Variants in RAVER2 observed in about 807,000 individuals in gnomAD.
RAVER2 encodes the protein ribonucleoprotein PTB-binding 2.
Under a neutral mutation model 78.1 loss-of-function variants are expected in RAVER2, and 46 were observed. The ratio of observed to expected loss-of-function variants is 0.59; its 90% CI spans 0.46 to 0.75. RAVER2 has a LOEUF of 0.75. Ranked by LOEUF, RAVER2 falls within the 30% of genes least tolerant of loss-of-function variation. The pLI is 0.00. For missense variants in RAVER2, 793 were observed against 837.5 expected (o/e 0.95, Z 0.66); for synonymous variants, 311 against 313.3 (o/e 0.99, Z 0.08).
At chr1:64,758,207 T>TCTC (rs1391364935) in intron 1 of RAVER2, among the ~76,000 whole-genome samples, 2 of 152,202 alleles carry the variant, frequency 1.3e-5, no homozygotes, top group Non-Finnish European at 2.9e-5. Flanking sequence ...GTAAATGCTA[T>TCTC]CTATTATTTG....
intron 1 of RAVER2, among the ~76,000 whole-genome samples, chr1:64,754,920 A>C (rs1033416165): frequency 1.3e-5 from 2 of 152,170 alleles, no homozygotes; most frequent in African/African-American, 4.8e-5. Flanking sequence ...CAAGAATATA[A>C]ATCAGGCTCA....
chr1:64,749,538 T>G (rs943793616), intron 1 of RAVER2, among the ~76,000 whole-genome samples: 1 of 152,226 alleles, frequency 6.6e-6, no homozygotes, highest in Non-Finnish European at 1.5e-5. Context: ...TATTCCACAT[T>G]TATCAAACTA....
intron 11 of RAVER2, among the ~76,000 whole-genome samples, chr1:64,826,781 A>T (rs1259535734): frequency 1.3e-5 from 2 of 152,184 alleles, no homozygotes; most frequent in Non-Finnish European, 2.9e-5. Context: ...CCAAGTAAAA[A>T]TGCTGACTTG....
chr1:64,753,251 T>C (rs1402498458), intron 1 of RAVER2, among the ~76,000 whole-genome samples: 3 of 152,124 alleles, frequency 2.0e-5, no homozygotes, highest in Non-Finnish European at 4.4e-5. Flanking sequence ...GAGGGGATTT[T>C]GCCATGTTGC....
In RAVER2 at chr1:64,745,510, G is replaced by T; in HGVS notation, c.249+89G>T. ...GCTGGGATCGGGGGCGCCTCAGAGC[G>T]GTCCTGGGGAGTGGGTCGGCGCCGA... On this transcript the variant is annotated intron_variant, in intron 1 of 11. Transcript: ENST00000294428. This position sits in a 1 kb window ranked among gnomAD's most constrained non-coding sequence, Gnocchi z 4.3. 1 of 1,352,626 alleles carries T rather than the reference G, an allele frequency of 7.4e-7. No homozygotes were observed. The highest frequency in any genetic ancestry group is 9.7e-7 in the Non-Finnish European group (1 of 1,035,226). The allele number at this position is 1,352,626 out of a possible 1,614,324, so 83.8% of individuals were successfully genotyped here.
intron 1 of RAVER2, among the ~76,000 whole-genome samples, chr1:64,757,315 C>A (rs1651881928): frequency 6.6e-6 from 1 of 152,134 alleles, no homozygotes; most frequent in Admixed American, 6.5e-5. Context: ...GAAGCCCCAA[C>A]CCCCAGTGTT....
chr1:64,832,344 C>T (rs1365347189), exon 12 of RAVER2: 2 of 152,304 alleles, frequency 1.3e-5, no homozygotes, highest in Non-Finnish European at 2.9e-5. Flanking sequence ...GTTATTTAAC[C>T]CAATTTACTT....
chr1:64,755,739 T>G (rs1053669774), intron 1 of RAVER2, among the ~76,000 whole-genome samples: 10 of 143,754 alleles, frequency 7.0e-5, no homozygotes, highest in Non-Finnish European at 1.1e-4. Context: ...TTTTTTTTTT[T>G]TTTTTTTTTT....
intron 11 of RAVER2, among the ~76,000 whole-genome samples, chr1:64,818,811 G>A (rs1282284962): frequency 6.6e-6 from 1 of 152,098 alleles, no homozygotes; most frequent in Non-Finnish European, 1.5e-5. Context: ...TGGAAAAGAG[G>A]GGGTTGCATA....
chr1:64,819,709 A>T (rs1406233598), intron 11 of RAVER2, among the ~76,000 whole-genome samples: 1 of 152,252 alleles, frequency 6.6e-6, no homozygotes, highest in African/African-American at 2.4e-5. Flanking sequence ...GCTGAAAACT[A>T]TAGTTGTAAA....
intron 4 of RAVER2, among the ~76,000 whole-genome samples, chr1:64,783,867 G>C (rs1421138300): frequency 6.6e-6 from 1 of 152,220 alleles, no homozygotes; most frequent in Non-Finnish European, 1.5e-5. Context: ...CACAGCAAAA[G>C]ATACTGGGCT....
chr1:64,751,778 A>G (rs1341735443), intron 1 of RAVER2, among the ~76,000 whole-genome samples: 1 of 151,876 alleles, frequency 6.6e-6, no homozygotes, highest in Admixed American at 6.6e-5. Flanking sequence ...TTAATTTTTA[A>G]TTTAATTTTT....
intron 5 of RAVER2, among the ~76,000 whole-genome samples, chr1:64,794,140 G>A (rs557740420): frequency 1.3e-5 from 2 of 152,138 alleles, no homozygotes; most frequent in Non-Finnish European, 2.9e-5. Flanking sequence ...GCCAGGCGCA[G>A]TGGCTCATGC....
intron 5 of RAVER2, among the ~76,000 whole-genome samples, chr1:64,793,755 G>A (rs761740712): frequency 4.6e-5 from 7 of 152,142 alleles, no homozygotes; most frequent in Non-Finnish European, 7.3e-5. Context: ...CCACTGATCT[G>A]CTTTCTGTCA....
At chr1:64,754,482 C>T (rs192584890) in intron 1 of RAVER2, among the ~76,000 whole-genome samples, 63 of 152,188 alleles carry the variant, frequency 4.1e-4, no homozygotes, top group African/African-American at 1.4e-3. Flanking sequence ...GTCTGACCCC[C>T]GGCACACTCT....
Position 64,745,421 on chromosome 1 carries a change from G to A in RAVER2, c.249G>A (p.Gln83=). The change falls in exon 1 of 12, where the codon CAG becomes CAA. Residue 83 remains glutamine (Q), a splice_region_variant and synonymous_variant. Coordinates refer to ENST00000294428, the Ensembl canonical transcript of RAVER2. This position sits in a 1 kb window ranked among gnomAD's most constrained non-coding sequence, Gnocchi z 4.3. ...ACCTGCCCCAGGACAGCAACTGCCA[G>A]GTACTGGGACGGTGATAGGGGCGAC... 6.5e-7 allele frequency: 1 copy of A among 1,530,936 alleles called. No homozygotes were observed. The highest frequency in any genetic ancestry group is 8.8e-7 in the Non-Finnish European group (1 of 1,135,400). 94.8% of individuals were successfully genotyped at this position (1,530,936 alleles called of 1,614,324 possible). A position where few individuals can be genotyped will look rare whatever the true frequency, so the allele number is the denominator to read the frequency against.
chr1:64,801,415 G>A (rs2100869247), intron 5 of RAVER2, among the ~76,000 whole-genome samples: 1 of 151,434 alleles, frequency 6.6e-6, no homozygotes, highest in East Asian at 1.9e-4. Flanking sequence ...TGTATATTAT[G>A]ATTATTCCAG....
rs1201800541 is a variant in RAVER2 at position 64,812,813 on chromosome 1, A to C, written c.1756A>C (p.Asn586His). ...TCGGCTCAGTAAAAATCCATACTTGAATTTGGCAAGTGTGTTGCCCAGTGT... is the reference window on the plus strand; with the variant it reads ...TCGGCTCAGTAAAAATCCATACTTGCATTTGGCAAGTGTGTTGCCCAGTGT... Residue 586 changes from asparagine to histidine, a missense_variant, in exon 10 of 12, where the codon AAT (asparagine) becomes CAT (histidine). Coordinates refer to ENST00000294428, the Ensembl canonical transcript of RAVER2. 3 of 1,612,020 alleles carry C rather than the reference A, an allele frequency of 1.9e-6. No individual in the cohort carries two copies. The Admixed American group carries it at 5.0e-5, about 27-fold the overall frequency.
intron 1 of RAVER2, among the ~76,000 whole-genome samples, chr1:64,755,737 T>G (rs1570526392): frequency 2.8e-5 from 4 of 143,020 alleles, no homozygotes; most frequent in African/African-American, 7.8e-5. Context: ...TTTTTTTTTT[T>G]TTTTTTTTTT....
Sources: gnomAD v4.1 joint callset for allele counts (sites outside exome capture counted in the v4.1 genomes callset) on GRCh38, gnomAD v4.1.1 for gene constraint, Gnocchi (gnomAD v3.1) non-coding constraint, MANE v1.5 for transcripts, NCBI Gene and HGNC (gene_info 2026-07-23, HGNC 2026-07-21) for gene names.